Variants in RAD51B observed in about 807,000 individuals in gnomAD.
RAD51B encodes the protein DNA repair protein RAD51 homolog 2.
Under a neutral mutation model 42.2 loss-of-function variants are expected in RAD51B, and 38 were observed. The observed-to-expected ratio is 0.90, with a 90% CI of 0.70 to 1.18. The LOEUF (loss-of-function observed/expected upper bound fraction) is 1.18, where lower values mean the gene tolerates loss of function less well. Among genes scored for constraint, RAD51B ranks in the 50% most tolerant of loss-of-function variants. The probability of loss-of-function intolerance (pLI) is 0.00; values close to 1 mark genes in which losing one functional copy is unlikely to be tolerated. For missense variants in RAD51B, 373 were observed against 400.7 expected, an observed-to-expected ratio of 0.93 and a Z score of 0.59; for synonymous variants, 154 against 145.2, an observed-to-expected ratio of 1.06 and a Z score of -0.43.
chr14:68,406,910 A>T (rs1027323029), intron 8 of RAD51B, among the ~76,000 whole-genome samples: 3 of 152,138 alleles, frequency 2.0e-5, no homozygotes, highest in Non-Finnish European at 4.4e-5. Flanking sequence ...AGGACTACAC[A>T]GGATCAATAT....
At chr14:68,657,795 C>T (rs1892848399) in intron 11 of RAD51B, among the ~76,000 whole-genome samples, 1 of 152,196 alleles carries the variant, frequency 6.6e-6, no homozygotes, top group Admixed American at 6.5e-5. Flanking sequence ...CTGCTCTGTG[C>T]TCATCAGCTT....
chr14:68,466,860 C>T (rs1378589581), intron 9 of RAD51B, among the ~76,000 whole-genome samples: 2 of 152,150 alleles, frequency 1.3e-5, no homozygotes, highest in African/African-American at 4.8e-5. Flanking sequence ...GCCATAGGCT[C>T]CTAGCCAATC....
chr14:68,655,126 G>GATGA (rs1892784008), intron 11 of RAD51B, among the ~76,000 whole-genome samples: 1 of 121,004 alleles, frequency 8.3e-6, no homozygotes, highest in Non-Finnish European at 1.8e-5. Context: ...GGAGGCAAAT[G>GATGA]GTGAGTGTGT....
intron 8 of RAD51B, among the ~76,000 whole-genome samples, chr14:68,397,455 C>T (rs1180042374): frequency 6.6e-6 from 1 of 152,240 alleles, no homozygotes; most frequent in Non-Finnish European, 1.5e-5. Context: ...CTACCCTCCA[C>T]TCCCCGGGGA....
intron 8 of RAD51B, among the ~76,000 whole-genome samples, chr14:68,385,988 C>A (rs2083586267): frequency 6.6e-6 from 1 of 152,204 alleles, no homozygotes. Context: ...GCTCCCGAGT[C>A]TGTGCTCTTA....
intron 7 of RAD51B, among the ~76,000 whole-genome samples, chr14:68,275,046 A>C (rs1165280688): frequency 1.3e-5 from 2 of 152,228 alleles, no homozygotes; most frequent in Non-Finnish European, 2.9e-5. Flanking sequence ...TCCCATGACC[A>C]AGATTTCTGT....
At chr14:68,259,375 A>C (rs1405122846) in intron 7 of RAD51B, among the ~76,000 whole-genome samples, 1 of 152,150 alleles carries the variant, frequency 6.6e-6, no homozygotes, top group Non-Finnish European at 1.5e-5. Context: ...TGGGTGCAGC[A>C]TACCAACATG....
chr14:68,126,150 C>A (rs529834209), intron 7 of RAD51B, among the ~76,000 whole-genome samples: 1 of 152,238 alleles, frequency 6.6e-6, no homozygotes, highest in South Asian at 2.1e-4. Context: ...TGTTTTATAG[C>A]TATACCTTTT....
chr14:68,643,146 T>C (rs1595043689), intron 10 of RAD51B, among the ~76,000 whole-genome samples: 2 of 152,376 alleles, frequency 1.3e-5, no homozygotes, highest in Admixed American at 1.3e-4. Context: ...CTGTTTCTCC[T>C]TGAAGTTCTA....
At chr14:68,276,357 C>T (rs2081224699) in intron 7 of RAD51B, among the ~76,000 whole-genome samples, 1 of 152,280 alleles carries the variant, frequency 6.6e-6, no homozygotes, top group South Asian at 2.1e-4. Context: ...CCCATCCATC[C>T]TCTTTTCATG....
At chr14:68,214,967 G>C (rs754427522) in intron 7 of RAD51B, among the ~76,000 whole-genome samples, 4 of 152,144 alleles carry the variant, frequency 2.6e-5, no homozygotes, top group Non-Finnish European at 4.4e-5. Context: ...ATGGAAAAAA[G>C]AACTTGATAT....
At chr14:68,393,863 A>G (rs2083833428) in intron 8 of RAD51B, among the ~76,000 whole-genome samples, 1 of 152,166 alleles carries the variant, frequency 6.6e-6, no homozygotes, top group Admixed American at 6.5e-5. Flanking sequence ...GATTGTTCTG[A>G]TGAGGGATCT....
intron 10 of RAD51B, among the ~76,000 whole-genome samples, chr14:68,631,281 G>A (rs1340745623): frequency 6.6e-6 from 1 of 152,208 alleles, no homozygotes; most frequent in Non-Finnish European, 1.5e-5. Flanking sequence ...TTCCAGGACT[G>A]GGTTGGGAAG....
At chr14:68,260,336 G>A (rs569431088) in intron 7 of RAD51B, among the ~76,000 whole-genome samples, 18 of 27,746 alleles carry the variant, frequency 6.5e-4, no homozygotes, top group South Asian at 4.2e-3. Context: ...GGAAGACAGC[G>A]GGGGTAGAGA....
At chr14:67,980,423 A>G (rs1045677891) in intron 7 of RAD51B, among the ~76,000 whole-genome samples, 8 of 152,252 alleles carry the variant, frequency 5.3e-5, no homozygotes, top group Non-Finnish European at 1.0e-4. Context: ...CAGCTGGGCA[A>G]CAAGAACGAA....
intron 8 of RAD51B, among the ~76,000 whole-genome samples, chr14:68,298,631 G>A (rs1355037391): frequency 6.6e-6 from 1 of 152,186 alleles, no homozygotes; most frequent in East Asian, 1.9e-4. Flanking sequence ...CAAGAAAGCT[G>A]GAGGGACAAA....
intron 7 of RAD51B, among the ~76,000 whole-genome samples, chr14:68,238,737 G>A (rs1009993568): frequency 6.6e-6 from 1 of 152,166 alleles, no homozygotes; most frequent in Non-Finnish European, 1.5e-5. Flanking sequence ...CCTGCGTTGT[G>A]GTCTGTGGAA....
intron 8 of RAD51B, among the ~76,000 whole-genome samples, chr14:68,330,139 C>T (rs1290270048): frequency 6.6e-6 from 1 of 152,132 alleles, no homozygotes; most frequent in Non-Finnish European, 1.5e-5. Context: ...TAATAAGATA[C>T]TAGCAAAGCT....
At chr14:68,393,153 C>T (rs915092303) in intron 8 of RAD51B, among the ~76,000 whole-genome samples, 9 of 152,052 alleles carry the variant, frequency 5.9e-5, no homozygotes, top group African/African-American at 2.2e-4. Flanking sequence ...GGGTGAGCTC[C>T]GTGGAAAACA....
Sources: gnomAD v4.1 joint callset for allele counts (sites outside exome capture counted in the v4.1 genomes callset) on GRCh38, gnomAD v4.1.1 for gene constraint, MANE v1.5 for transcripts, NCBI Gene and HGNC (gene_info 2026-07-23, HGNC 2026-07-21) for gene names.